The following NRG1 variants were observed in gnomAD, a reference collection of about 807,000 sequenced individuals.
NRG1 encodes pro-neuregulin-1, membrane-bound isoform.
NRG1 carries 18 observed loss-of-function variants against 63.8 expected under a neutral mutation model. The ratio of observed to expected loss-of-function variants is 0.28; its 90% CI spans 0.19 to 0.42. The LOEUF is 0.42. Ranked by LOEUF, NRG1 falls within the 10% of genes least tolerant of loss-of-function variation. NRG1 has a pLI of 1.00. For missense variants in NRG1, 762 were observed against 814.7 expected, an observed-to-expected ratio of 0.94 and a Z score of 0.79; for synonymous variants, 302 against 301.3, an observed-to-expected ratio of 1.00 and a Z score of -0.02.
chr8:32,497,149 G>T (rs1254935755), intron 1 of NRG1, among the ~76,000 whole-genome samples: 2 of 152,048 alleles, frequency 1.3e-5, no homozygotes, highest in African/African-American at 2.4e-5. Context: ...GAATTTATCA[G>T]AAATAGCAAA....
At chr8:31,981,907 G>A (rs1455771911) in intron 1 of NRG1, among the ~76,000 whole-genome samples, 4 of 151,992 alleles carry the variant, frequency 2.6e-5, no homozygotes, top group Admixed American at 6.6e-5. Flanking sequence ...GCTGGGCAAA[G>A]GGATTGATAT....
At chr8:31,853,512 C>A (rs997256439) in intron 1 of NRG1, among the ~76,000 whole-genome samples, 1 of 150,354 alleles carries the variant, frequency 6.7e-6, no homozygotes, top group East Asian at 2.0e-4. Context: ...AGATTTTGGG[C>A]TGAGACGATG....
At chr8:32,760,459 C>T (rs1014584360) in intron 11 of NRG1, 53 bp downstream of exon 11, 1 of 1,607,114 alleles carries the variant, frequency 6.2e-7, no homozygotes, top group Non-Finnish European at 8.5e-7. Context: ...CAGAGAATCC[C>T]TGTGAGCACC....
chr8:31,693,363 G>A (rs1009992282), intron 1 of NRG1, among the ~76,000 whole-genome samples: 2 of 152,108 alleles, frequency 1.3e-5, no homozygotes, highest in East Asian at 1.9e-4. Flanking sequence ...AGCACACAAG[G>A]CATTAACATT....
At chr8:32,321,062 A>G (rs1801324385) in intron 1 of NRG1, among the ~76,000 whole-genome samples, 1 of 152,150 alleles carries the variant, frequency 6.6e-6, no homozygotes, top group African/African-American at 2.4e-5. Context: ...GGAATATCCT[A>G]TGTTATTAGA....
chr8:31,803,188 C>T (rs1476144653), intron 1 of NRG1, among the ~76,000 whole-genome samples: 5 of 152,126 alleles, frequency 3.3e-5, no homozygotes, highest in Non-Finnish European at 4.4e-5. Flanking sequence ...AATAGGGAAA[C>T]CTATTTTCTC....
At chr8:32,414,683 A>G (rs1294438961) in intron 1 of NRG1, among the ~76,000 whole-genome samples, 2 of 152,194 alleles carry the variant, frequency 1.3e-5, no homozygotes, top group Non-Finnish European at 2.9e-5. Flanking sequence ...GAGTAGTGCC[A>G]ACGTGCCTGG....
intron 1 of NRG1, among the ~76,000 whole-genome samples, chr8:31,761,793 C>T (rs1193991515): frequency 6.6e-6 from 1 of 152,034 alleles, no homozygotes; most frequent in Non-Finnish European, 1.5e-5. Flanking sequence ...GTTAGAATTG[C>T]CAAAATGTGA....
intron 1 of NRG1, among the ~76,000 whole-genome samples, chr8:31,902,310 G>C (rs1563545406): frequency 6.6e-6 from 1 of 152,108 alleles, no homozygotes. Flanking sequence ...AAACTTAGGA[G>C]GGTCTTTCCA....
chr8:32,064,041 G>A (rs1181953073), intron 1 of NRG1, among the ~76,000 whole-genome samples: 1 of 151,924 alleles, frequency 6.6e-6, no homozygotes, highest in African/African-American at 2.4e-5. Context: ...GGAGCAATTG[G>A]GCAGTTTAAA....
At chr8:32,031,347 G>A (rs1235541562) in intron 1 of NRG1, among the ~76,000 whole-genome samples, 2 of 152,176 alleles carry the variant, frequency 1.3e-5, no homozygotes, top group African/African-American at 4.8e-5. Context: ...CTTCTCCTGG[G>A]ATGATGCAGG....
chr8:31,640,023 C>G lies in NRG1; in HGVS notation c.37+592C>G, dbSNP rs1208467714. ...GCGCCCCGCGCCGCTCCGGGCGTCC[C>G]GGCCCCCGGGCCCAGCGCCCCGGCT... On this transcript the variant is annotated intron_variant, in intron 1 of 10. Transcript: ENST00000519301. The surrounding 1 kb of genome is among the most constrained non-coding windows in gnomAD (Gnocchi z 6.3). 2.6e-6 allele frequency: 3 copies of G among 1,136,076 alleles called. No individual in the cohort carries two copies. The African/African-American group carries it at 4.9e-5, about 19-fold the overall frequency. 70.4% of individuals were successfully genotyped at this position (1,136,076 alleles called of 1,614,324 possible).
rs116061348 is a variant in NRG1 at position 32,015,302 on chromosome 8, G to A, written c.37+375871G>A. On this transcript the variant is annotated intron_variant, in intron 1 of 10. Transcript: ENST00000519301. ...GTATACGAATATAAACAGAAACATC[G>A]TAACAGGAAAAAATAAGAAAGTCCA... Among the ~76,000 whole-genome samples, 1,157 of 152,172 alleles carry A rather than the reference G, an allele frequency of 7.6e-3. 18 individuals are homozygous for A. Among genetic ancestry groups the A allele is most frequent in the African/African-American group, 0.027 (1,104 of 41,514 alleles).
intron 1 of NRG1, among the ~76,000 whole-genome samples, chr8:32,189,726 C>T (rs1303037209): frequency 6.6e-6 from 1 of 152,150 alleles, no homozygotes; most frequent in Non-Finnish European, 1.5e-5. Flanking sequence ...ATCGTTAAGG[C>T]TTACTGCTAA....
At chr8:32,153,653 A>G (rs1283723501) in intron 1 of NRG1, among the ~76,000 whole-genome samples, 2 of 152,248 alleles carry the variant, frequency 1.3e-5, no homozygotes, top group Non-Finnish European at 2.9e-5. Context: ...TCTAGAAACT[A>G]AGAATTCCAA....
chr8:32,664,513 C>T (rs549099195), intron 5 of NRG1, among the ~76,000 whole-genome samples: 11 of 152,050 alleles, frequency 7.2e-5, no homozygotes, highest in Middle Eastern at 3.4e-3. Context: ...TTGCTGATAG[C>T]GAACATTTAT....
intron 1 of NRG1, among the ~76,000 whole-genome samples, chr8:31,677,418 A>G (rs1183238419): frequency 6.6e-6 from 1 of 152,132 alleles, no homozygotes; most frequent in African/African-American, 2.4e-5. Flanking sequence ...ATAGATATGG[A>G]TAGGTTTGAT....
chr8:32,237,494 T>C (rs1433385906), intron 1 of NRG1, among the ~76,000 whole-genome samples: 2 of 152,176 alleles, frequency 1.3e-5, no homozygotes, highest in African/African-American at 2.4e-5. Flanking sequence ...TTGAGGGTTT[T>C]TTTTTCCCCG....
At chr8:32,322,355 T>TTTATATATATATATA (rs1554507854) in intron 1 of NRG1, among the ~76,000 whole-genome samples, 1 of 142,656 alleles carries the variant, frequency 7.0e-6, no homozygotes, top group African/African-American at 2.6e-5. Context: ...CAACCTTATT[T>TTTATATATATATATA]TATATATATA....
Sources: gnomAD v4.1 joint callset for allele counts (sites outside exome capture counted in the v4.1 genomes callset) on GRCh38, gnomAD v4.1.1 for gene constraint, Gnocchi (gnomAD v3.1) non-coding constraint, MANE v1.5 for transcripts, NCBI Gene and HGNC (gene_info 2026-07-23, HGNC 2026-07-21) for gene names.